Variants in ZBTB7C observed in about 807,000 individuals in gnomAD.
ZBTB7C encodes the protein zinc finger and BTB domain-containing protein 7C.
A neutral mutation model predicts 25.7 loss-of-function variants in ZBTB7C; 8 were observed. The observed-to-expected ratio is 0.31, with a 90% CI of 0.18 to 0.56. The LOEUF is 0.56. ZBTB7C is among the 20% of genes least tolerant of loss of function. The pLI is 0.91. For missense variants in ZBTB7C, 824 were observed against 855.2 expected (o/e 0.96, Z 0.46); for synonymous variants, 394 against 369.0 (o/e 1.07, Z -0.78).
chr18:48,036,581 C>T (rs1023322206), intron 4 of ZBTB7C, among the ~76,000 whole-genome samples: 2 of 152,252 alleles, frequency 1.3e-5, no homozygotes, highest in Admixed American at 1.3e-4. Flanking sequence ...AGGAAAGACT[C>T]GGGTTCCAGA....
intron 2 of ZBTB7C, among the ~76,000 whole-genome samples, chr18:48,225,277 G>A (rs952446909): frequency 1.3e-5 from 2 of 151,922 alleles, no homozygotes; most frequent in Non-Finnish European, 2.9e-5. Flanking sequence ...AGAAAAGGGA[G>A]AGGGAGAGGG....
intron 3 of ZBTB7C, among the ~76,000 whole-genome samples, chr18:48,158,867 G>C (rs2040916325): frequency 6.6e-6 from 1 of 152,208 alleles, no homozygotes; most frequent in Non-Finnish European, 1.5e-5. Context: ...GGGTGAGCAT[G>C]AAGCCGCTGG....
At chr18:48,290,371 C>G (rs1005668558) in intron 2 of ZBTB7C, among the ~76,000 whole-genome samples, 1 of 152,238 alleles carries the variant, frequency 6.6e-6, no homozygotes. Flanking sequence ...GCCGCCAAAG[C>G]TACTGAGGGG....
intron 3 of ZBTB7C, among the ~76,000 whole-genome samples, chr18:48,094,538 G>A (rs766339732): frequency 1.1e-4 from 16 of 152,152 alleles, no homozygotes; most frequent in Non-Finnish European, 1.9e-4. Context: ...ATGTGAAGAA[G>A]GAAAGGGAGA....
chr18:48,097,001 T>A (rs1340947545), intron 3 of ZBTB7C, among the ~76,000 whole-genome samples: 1 of 152,236 alleles, frequency 6.6e-6, no homozygotes, highest in Admixed American at 6.5e-5. Context: ...TATCAAGGTA[T>A]GGTCGCAGAT....
At chr18:48,122,494 C>T (rs1045047712) in intron 3 of ZBTB7C, among the ~76,000 whole-genome samples, 9 of 152,148 alleles carry the variant, frequency 5.9e-5, no homozygotes, top group African/African-American at 2.2e-4. Flanking sequence ...TATAAGAGGC[C>T]TCCAAGCAAG....
intron 1 of ZBTB7C, among the ~76,000 whole-genome samples, chr18:48,359,882 G>C (rs2047063016): frequency 6.6e-6 from 1 of 152,180 alleles, no homozygotes; most frequent in South Asian, 2.1e-4. Context: ...GTGGGGACTT[G>C]GGAGATTTTT....
chr18:48,120,754 G>C (rs2039601371), intron 3 of ZBTB7C, among the ~76,000 whole-genome samples: 1 of 152,246 alleles, frequency 6.6e-6, no homozygotes, highest in Non-Finnish European at 1.5e-5. Context: ...CCTGCCCCCA[G>C]CAAGTAGGTC....
At chr18:48,404,649 C>A (rs1223729521) in intron 1 of ZBTB7C, among the ~76,000 whole-genome samples, 1 of 152,162 alleles carries the variant, frequency 6.6e-6, no homozygotes, top group South Asian at 2.1e-4. Flanking sequence ...ATCAACTTGG[C>A]CCCAGGGTTC....
chr18:48,031,180 C>G (rs1237019965), intron 4 of ZBTB7C, among the ~76,000 whole-genome samples: 5 of 152,164 alleles, frequency 3.3e-5, no homozygotes, highest in Admixed American at 2.0e-4. Flanking sequence ...CTGGTGTCTC[C>G]TGGCCACTAG....
intron 3 of ZBTB7C, chr18:48,087,821 G>A (rs1359560839): frequency 2.9e-5 from 3 of 101,816 alleles, no homozygotes; most frequent in African/African-American, 4.0e-5. Flanking sequence ...ACAAATAAAG[G>A]ATGGTTACTT....
chr18:48,195,781 G>A (rs2042305303), intron 2 of ZBTB7C, among the ~76,000 whole-genome samples: 1 of 151,930 alleles, frequency 6.6e-6, no homozygotes. Flanking sequence ...TAACTCAACA[G>A]CATTTTTAAA....
chr18:48,387,805 T>C (rs1041180550), intron 1 of ZBTB7C, among the ~76,000 whole-genome samples: 1 of 148,262 alleles, frequency 6.7e-6, no homozygotes, highest in Non-Finnish European at 1.5e-5. Context: ...TCTAGTTGGC[T>C]ATGCAGGTTT....
At chr18:48,308,995 G>T (rs1323587979) in intron 2 of ZBTB7C, among the ~76,000 whole-genome samples, 2 of 152,198 alleles carry the variant, frequency 1.3e-5, no homozygotes, top group African/African-American at 4.8e-5. Flanking sequence ...AGAAGGTGAG[G>T]TCTACCTGAA....
chr18:48,355,522 C>T (rs1034774782), intron 1 of ZBTB7C, among the ~76,000 whole-genome samples: 1 of 152,174 alleles, frequency 6.6e-6, no homozygotes, highest in African/African-American at 2.4e-5. Context: ...CCTAGGAACC[C>T]CACTTAGCCA....
At chr18:48,187,566 C>T (rs920011842) in intron 2 of ZBTB7C, among the ~76,000 whole-genome samples, 1 of 152,116 alleles carries the variant, frequency 6.6e-6, no homozygotes, top group East Asian at 1.9e-4. Context: ...GTAATCCTAG[C>T]ACTTTGGGAG....
chr18:48,035,222 G>A (rs999156065), intron 4 of ZBTB7C, among the ~76,000 whole-genome samples: 5 of 152,356 alleles, frequency 3.3e-5, no homozygotes, highest in Middle Eastern at 3.4e-3. Context: ...GGGGTTCAGC[G>A]GAACTGGAAA....
At chr18:48,130,059 G>T (rs1470861046) in intron 3 of ZBTB7C, among the ~76,000 whole-genome samples, 1 of 152,212 alleles carries the variant, frequency 6.6e-6, no homozygotes, top group Non-Finnish European at 1.5e-5. Context: ...TAAGGGAGCA[G>T]AGCTTGCAGA....
At chr18:48,246,567 G>A (rs1453962503) in intron 2 of ZBTB7C, among the ~76,000 whole-genome samples, 1 of 151,966 alleles carries the variant, frequency 6.6e-6, no homozygotes, top group Non-Finnish European at 1.5e-5. Flanking sequence ...AAATGTAGTT[G>A]TCTCTCGCAA....
Sources: allele counts gnomAD v4.1 joint callset (sites outside exome capture counted in the v4.1 genomes callset), GRCh38; gene constraint gnomAD v4.1.1; transcripts MANE v1.5; gene names NCBI Gene and HGNC (gene_info 2026-07-23, HGNC 2026-07-21).